Variants in APBB1IP observed in about 807,000 individuals in gnomAD.
APBB1IP encodes amyloid beta A4 precursor protein-binding family B member 1-interacting protein.
Under a neutral mutation model 64.9 loss-of-function variants are expected in APBB1IP, and 27 were observed. The observed-to-expected ratio is 0.42, with a 90% CI of 0.31 to 0.57. The LOEUF (loss-of-function observed/expected upper bound fraction) is 0.57. Among genes scored for constraint, APBB1IP ranks in the 20% least tolerant of loss-of-function variants. The pLI is 0.20. For missense variants in APBB1IP, 812 were observed against 845.5 expected (o/e 0.96, Z 0.49); for synonymous variants, 392 against 331.0 (o/e 1.18, Z -2.00).
intron 2 of APBB1IP, among the ~76,000 whole-genome samples, chr10:26,444,497 A>G (rs1835370655): frequency 6.6e-6 from 1 of 152,156 alleles, no homozygotes; most frequent in Admixed American, 6.5e-5. Context: ...GAGAGCCAAG[A>G]TTTCCCGACA....
chr10:26,516,327 G>A (rs1400212614), intron 8 of APBB1IP, among the ~76,000 whole-genome samples: 1 of 151,932 alleles, frequency 6.6e-6, no homozygotes, highest in Non-Finnish European at 1.5e-5. Context: ...GCTGAGGCAG[G>A]CGGATCACTT....
intron 10 of APBB1IP, among the ~76,000 whole-genome samples, chr10:26,537,977 G>C (rs17668955): frequency 0.091 from 13,442 of 146,950 alleles, 709 homozygotes; most frequent in Middle Eastern, 0.13. Flanking sequence ...AGTTGGACAA[G>C]AATACCTTCT....
At chr10:26,483,309 T>C (rs1467548944) in intron 2 of APBB1IP, among the ~76,000 whole-genome samples, 1 of 152,192 alleles carries the variant, frequency 6.6e-6, no homozygotes, top group African/African-American at 2.4e-5. Context: ...ACTTACTTTG[T>C]GTAAACTCGA....
In APBB1IP at chr10:26,512,731, C is replaced by T. The variant is rs149943542; in HGVS notation, c.692-808C>T. On this transcript the variant is annotated intron_variant, in intron 7 of 14. Coordinates refer to ENST00000376236, the MANE Select transcript of APBB1IP (RefSeq NM_019043.4). ...AAGCACTCCTCCTGCCTCTGCATCCCGAGTAGCTGGGACTATAGGCACACA... is the reference window on the plus strand; with the variant it reads ...AAGCACTCCTCCTGCCTCTGCATCCTGAGTAGCTGGGACTATAGGCACACA... 7.3e-4 allele frequency among the ~76,000 whole-genome samples: 111 copies of T among 152,100 alleles called. 1 individual carries two copies. The highest frequency in any genetic ancestry group is 4.3e-3 in the Admixed American group (66 of 15,266).
chr10:26,513,403 C>T (rs1030759178), intron 7 of APBB1IP, 136 bp from the exon 8 acceptor site: 2 of 866,674 alleles, frequency 2.3e-6, no homozygotes, highest in Non-Finnish European at 1.8e-6. Flanking sequence ...TACAGTGTGG[C>T]ATCATGTGAG....
chr10:26,476,100 C>T (rs1197011308), intron 2 of APBB1IP, among the ~76,000 whole-genome samples: 1 of 150,978 alleles, frequency 6.6e-6, no homozygotes, highest in African/African-American at 2.4e-5. Context: ...CCTCTGTGGC[C>T]CAGGCTAGGG....
chr10:26,534,497 C>T (rs1376375070), intron 9 of APBB1IP, among the ~76,000 whole-genome samples: 2 of 152,068 alleles, frequency 1.3e-5, no homozygotes, highest in Admixed American at 6.5e-5. Context: ...ATCAGAAGAC[C>T]TGGTGATGCC....
At chr10:26,468,294 G>A (rs1179964866) in intron 2 of APBB1IP, among the ~76,000 whole-genome samples, 1 of 152,052 alleles carries the variant, frequency 6.6e-6, no homozygotes, top group African/African-American at 2.4e-5. Context: ...TTGTTACATA[G>A]TATAGTGCTA....
chr10:26,521,451 G>A (rs1405458428), intron 8 of APBB1IP, among the ~76,000 whole-genome samples: 1 of 152,102 alleles, frequency 6.6e-6, no homozygotes, highest in East Asian at 1.9e-4. Context: ...AGCGTTGCTG[G>A]GATCATGATG....
Position 26,567,402 on chromosome 10 carries a change from C to T in APBB1IP, c.1915C>T (p.His639Tyr), listed in dbSNP as rs1326600615. ...CCCCAAGAGGCAAGAGAACCCAGGGCACCCCGGCGGAGCAGGAGGCGGGGA... is the reference window on the plus strand; with the variant it reads ...CCCCAAGAGGCAAGAGAACCCAGGGTACCCCGGCGGAGCAGGAGGCGGGGA... ...VPPKRQENPG[H>Y]PGGAGGGEQD... is the part of the protein sequence containing the mutation. Residue 639 changes from histidine (H) to tyrosine (Y), a missense_variant, in exon 15 of 15, where the codon CAC becomes TAC. Physicochemically the swap from His to Tyr is moderately conservative, Grantham distance 83 (BLOSUM62 2). Around this residue, in one of 3 missense-constraint regions of APBB1IP, gnomAD observed 381 missense variants for 352.1 expected, o/e 1.08. Coordinates refer to ENST00000376236, the MANE Select transcript of APBB1IP (RefSeq NM_019043.4). 3 of 1,598,934 alleles carry T rather than the reference C, an allele frequency of 1.9e-6. No homozygotes were observed. In the East Asian group the frequency reaches 6.8e-5, roughly 36 times the overall value.
intron 4 of APBB1IP, among the ~76,000 whole-genome samples, chr10:26,496,994 C>A (rs1230624051): frequency 6.6e-6 from 1 of 151,744 alleles, no homozygotes; most frequent in African/African-American, 2.4e-5. Flanking sequence ...TTGAAACCAG[C>A]CTGGACAACA....
intron 2 of APBB1IP, among the ~76,000 whole-genome samples, chr10:26,480,273 C>T (rs1171257845): frequency 6.6e-6 from 1 of 152,150 alleles, no homozygotes; most frequent in Non-Finnish European, 1.5e-5. Context: ...GACCTAGGAA[C>T]CCTGACCCAG....
intron 4 of APBB1IP, among the ~76,000 whole-genome samples, chr10:26,498,584 A>G (rs1588588130): frequency 6.6e-6 from 1 of 152,240 alleles, no homozygotes; most frequent in African/African-American, 2.4e-5. Context: ...ATATGAAAAA[A>G]GCAAATTTAG....
chr10:26,513,478 T>C, intron 7 of APBB1IP, 61 bp from the exon 8 acceptor site: 1 of 1,592,486 alleles, frequency 6.3e-7, no homozygotes, highest in East Asian at 2.2e-5. Flanking sequence ...TAATAGCTTG[T>C]TTCTCACTTG....
At chr10:26,559,678 G>C (rs1836942325) in intron 11 of APBB1IP, among the ~76,000 whole-genome samples, 1 of 149,100 alleles carries the variant, frequency 6.7e-6, no homozygotes, top group Non-Finnish European at 1.5e-5. Context: ...CTGGAGTGCA[G>C]TGGTACAGTC....
At chr10:26,445,884 T>TTACATTA (rs1465688214) in intron 2 of APBB1IP, among the ~76,000 whole-genome samples, 11,647 of 152,290 alleles carry the variant, frequency 0.076, 1,436 homozygotes, top group African/African-American at 0.26. Flanking sequence ...CTAACAGTGA[T>TTACATTA]CGAGATAAGT....
At chr10:26,498,860 C>T (rs1041225474) in intron 4 of APBB1IP, among the ~76,000 whole-genome samples, 1 of 152,160 alleles carries the variant, frequency 6.6e-6, no homozygotes, top group East Asian at 1.9e-4. Context: ...CAGGACAAGA[C>T]ATTTAAAAAC....
In APBB1IP at chr10:26,555,877, G is replaced by A. The variant is rs184471355; in HGVS notation, c.1156-4228G>A. Among the ~76,000 whole-genome samples the A allele has an allele frequency of 4.5e-3, 678 of 152,318 alleles. 5 individuals carry two copies. The highest frequency in any genetic ancestry group is 5.0e-3 in the Non-Finnish European group (341 of 68,034). On this transcript the variant is annotated intron_variant, in intron 11 of 14. Coordinates refer to ENST00000376236, the MANE Select transcript of APBB1IP (RefSeq NM_019043.4). ...GCCTCTCAAAGTGCTGGGATTACAGGTGTGAGCCACGGGGCCCTGCCTCTC... is the reference window on the plus strand; with the variant it reads ...GCCTCTCAAAGTGCTGGGATTACAGATGTGAGCCACGGGGCCCTGCCTCTC...
intron 8 of APBB1IP, among the ~76,000 whole-genome samples, chr10:26,516,335 C>G (rs1455228025): frequency 5.9e-5 from 9 of 151,702 alleles, no homozygotes; most frequent in African/African-American, 2.2e-4. Flanking sequence ...AGGCGGATCA[C>G]TTGAGGTCAG....
Sources: allele counts gnomAD v4.1 joint callset (sites outside exome capture counted in the v4.1 genomes callset), GRCh38; gene constraint gnomAD v4.1.1; regional missense constraint gnomAD v4.1.1; transcripts MANE v1.5; gene names NCBI Gene and HGNC (gene_info 2026-07-23, HGNC 2026-07-21).